Variants in EPHA3 observed in about 807,000 individuals in gnomAD.
The protein encoded by EPHA3 is ephrin type-A receptor 3.
EPHA3 carries 42 observed loss-of-function variants against 107.1 expected under a neutral mutation model. That is an observed-to-expected ratio of 0.39 (90% CI 0.31 to 0.51). The LOEUF (loss-of-function observed/expected upper bound fraction) is 0.51. Among genes scored for constraint, EPHA3 ranks in the 20% least tolerant of loss-of-function variants. The pLI, the probability that EPHA3 is intolerant of heterozygous loss-of-function variation, is 0.78. For missense variants in EPHA3, 1,183 were observed against 1,211.2 expected, an observed-to-expected ratio of 0.98 and a Z score of 0.35; for synonymous variants, 461 against 424.8, an observed-to-expected ratio of 1.09 and a Z score of -1.05.
At chr3:89,280,308 T>C (rs543009817) in intron 3 of EPHA3, among the ~76,000 whole-genome samples, 11 of 152,190 alleles carry the variant, frequency 7.2e-5, no homozygotes, top group Non-Finnish European at 1.3e-4. Flanking sequence ...ATAGACAGTC[T>C]GTTTACAAAT....
intron 5 of EPHA3, among the ~76,000 whole-genome samples, chr3:89,394,264 G>A (rs77467044): frequency 6.6e-6 from 1 of 152,106 alleles, no homozygotes; most frequent in Admixed American, 6.6e-5. Flanking sequence ...TAAAAAATTA[G>A]CTGATTGTGG....
In EPHA3 at chr3:89,479,472, G is replaced by T; in HGVS notation, c.2922G>T (p.Thr974=). ...TCAGTAGCATTAAAGCTCTAGAAAC[G>T]CAATCAAAGAATGGCCCAGTTCCCG... is the stretch of plus-strand genomic sequence containing the variant. The part of the protein sequence containing the change: ...KIISSIKALE[T]QSKNGPVPV Residue 974 remains threonine, a synonymous_variant, in exon 17 of 17, where the codon ACG becomes ACT. Coordinates refer to ENST00000336596, the MANE Select transcript of EPHA3 (RefSeq NM_005233.6). 1.2e-6 allele frequency: 2 copies of T among 1,614,060 alleles called. No individual in the cohort carries two copies. The highest frequency in any genetic ancestry group is 2.2e-5 in the South Asian group (2 of 91,072).
At chr3:89,122,642 GTCTT>G (rs1353967638) in intron 1 of EPHA3, among the ~76,000 whole-genome samples, 2 of 152,192 alleles carry the variant, frequency 1.3e-5, no homozygotes, top group African/African-American at 4.8e-5. Flanking sequence ...TTCACTCTCA[GTCTT>G]TCTAAGTGGA....
chr3:89,346,900 T>A (rs1707672543), intron 5 of EPHA3, among the ~76,000 whole-genome samples: 1 of 146,968 alleles, frequency 6.8e-6, no homozygotes. Context: ...CTTGTTTTTC[T>A]CAGGTTTGTC....
intron 2 of EPHA3, among the ~76,000 whole-genome samples, chr3:89,197,784 T>A (rs1705872082): frequency 6.6e-6 from 1 of 152,102 alleles, no homozygotes; most frequent in Non-Finnish European, 1.5e-5. Flanking sequence ...GAGACTAGCC[T>A]GGCCAACATG....
At chr3:89,258,840 A>G (rs1332836504) in intron 3 of EPHA3, among the ~76,000 whole-genome samples, 1 of 152,158 alleles carries the variant, frequency 6.6e-6, no homozygotes, top group African/African-American at 2.4e-5. Context: ...CAAAAGGAGG[A>G]CATTTTGGGG....
chr3:89,460,994 A>C (rs1357137816), intron 15 of EPHA3, among the ~76,000 whole-genome samples: 6 of 112,202 alleles, frequency 5.3e-5, no homozygotes, highest in Admixed American at 4.5e-4. Context: ...ACCCCACCAC[A>C]GTCCCCAGAG....
At chr3:89,284,145 T>C (rs1339605516) in intron 3 of EPHA3, among the ~76,000 whole-genome samples, 1 of 152,190 alleles carries the variant, frequency 6.6e-6, no homozygotes, top group Non-Finnish European at 1.5e-5. Context: ...CATTTGTTGT[T>C]ATAGGAATGT....
intron 7 of EPHA3, among the ~76,000 whole-genome samples, chr3:89,404,019 G>A (rs1390065625): frequency 6.6e-6 from 1 of 152,030 alleles, no homozygotes; most frequent in Non-Finnish European, 1.5e-5. Flanking sequence ...TAAAATTAGA[G>A]GATTTCATTG....
At chr3:89,355,401 C>A (rs918202849) in intron 5 of EPHA3, among the ~76,000 whole-genome samples, 6 of 151,196 alleles carry the variant, frequency 4.0e-5, no homozygotes, top group Non-Finnish European at 5.9e-5. Context: ...AAAAAATAAT[C>A]CACTGTTTAT....
intron 3 of EPHA3, among the ~76,000 whole-genome samples, chr3:89,304,844 T>C (rs1296133300): frequency 1.3e-5 from 2 of 152,184 alleles, no homozygotes; most frequent in African/African-American, 4.8e-5. Context: ...TTTCTTCTAC[T>C]TACTGATTAA....
At chr3:89,415,299 T>A (rs532222507) in intron 10 of EPHA3, among the ~76,000 whole-genome samples, 1 of 150,968 alleles carries the variant, frequency 6.6e-6, no homozygotes, top group East Asian at 2.0e-4. Context: ...CAACCTTGGT[T>A]GGTATATACA....
intron 10 of EPHA3, among the ~76,000 whole-genome samples, chr3:89,416,192 A>G (rs1709242751): frequency 1.3e-5 from 2 of 151,354 alleles, no homozygotes; most frequent in Admixed American, 1.3e-4. Flanking sequence ...CAGCTTTTAC[A>G]TTGTGCATTT....
intron 2 of EPHA3, among the ~76,000 whole-genome samples, chr3:89,204,716 G>A (rs1259024438): frequency 6.6e-6 from 1 of 151,766 alleles, no homozygotes; most frequent in African/African-American, 2.4e-5. Context: ...ATATATTTGT[G>A]CGTGACACTT....
At chr3:89,365,305 A>G (rs1708166101) in intron 5 of EPHA3, among the ~76,000 whole-genome samples, 1 of 150,730 alleles carries the variant, frequency 6.6e-6, no homozygotes, top group Non-Finnish European at 1.5e-5. Context: ...GGCAGAGTAG[A>G]GGGGAAGACT....
Position 89,482,066 on chromosome 3 carries a change from A to G in EPHA3, c.*2564A>G, listed in dbSNP as rs1488382337. ...TGTAGATGGCCTCTTACTAATGTAA[A>G]ATGATTTGTAGTGGAAACATTTATA... On this transcript the variant is annotated 3_prime_UTR_variant, in exon 17 of 17. Transcript: ENST00000336596. The G allele has an allele frequency of 1.8e-5, 4 of 216,582 alleles. No homozygotes were observed. The highest frequency in any genetic ancestry group is 9.0e-5 in the African/African-American group (4 of 44,476). The allele number at this position is 216,582 out of a possible 1,614,324, so 13.4% of individuals were successfully genotyped here.
chr3:89,238,532 A>G (rs996168981), intron 3 of EPHA3, among the ~76,000 whole-genome samples: 1 of 152,184 alleles, frequency 6.6e-6, no homozygotes. Context: ...TTCTTCTTTA[A>G]CCACAGTTCT....
chr3:89,321,123 T>G (rs868111798), intron 3 of EPHA3, among the ~76,000 whole-genome samples: 1 of 152,010 alleles, frequency 6.6e-6, no homozygotes, highest in African/African-American at 2.4e-5. Flanking sequence ...CAAAAGTACA[T>G]GCATCCCTTG....
chr3:89,341,697 T>A (rs1707525220), intron 4 of EPHA3, 58 bp from the exon 5 acceptor site: 1 of 1,333,098 alleles, frequency 7.5e-7, no homozygotes, highest in Admixed American at 2.2e-5. Context: ...ATTATCTATT[T>A]CCCTTGTAGT....
Sources: gnomAD v4.1 joint callset for allele counts (sites outside exome capture counted in the v4.1 genomes callset) on GRCh38, gnomAD v4.1.1 for gene constraint, MANE v1.5 for transcripts, NCBI Gene and HGNC (gene_info 2026-07-23, HGNC 2026-07-21) for gene names.